NRXN3: variants seen among roughly 807,000 people sequenced by gnomAD.
NRXN3 encodes neurexin III.
Under a neutral mutation model 137.6 loss-of-function variants are expected in NRXN3, and 32 were observed. That is an observed-to-expected ratio of 0.23 (90% CI 0.18 to 0.31). The LOEUF (loss-of-function observed/expected upper bound fraction) is 0.31, where lower values mean the gene tolerates loss of function less well. NRXN3 is among the 10% of genes least tolerant of loss of function. The pLI, the probability that NRXN3 is intolerant of heterozygous loss-of-function variation, is 1.00. For synonymous variants in NRXN3, 798 were observed against 784.5 expected (o/e 1.02, Z -0.29); for missense variants, 1,574 against 2,062.5 (o/e 0.76, Z 4.59).
chr14:78,438,641 G>C (rs949139973), intron 4 of NRXN3, among the ~76,000 whole-genome samples: 1 of 152,156 alleles, frequency 6.6e-6, no homozygotes, highest in Non-Finnish European at 1.5e-5. Flanking sequence ...TAAGCCTACT[G>C]GGTCTGACCC....
intron 15 of NRXN3, among the ~76,000 whole-genome samples, chr14:79,082,558 G>A (rs931252242): frequency 3.3e-5 from 5 of 152,122 alleles, no homozygotes; most frequent in Admixed American, 6.6e-5. Flanking sequence ...AACTAAAAGA[G>A]ATGTTACAGA....
intron 15 of NRXN3, among the ~76,000 whole-genome samples, chr14:79,057,895 T>G (rs1172549719): frequency 6.6e-6 from 1 of 152,204 alleles, no homozygotes; most frequent in African/African-American, 2.4e-5. Context: ...ACTCATTTTT[T>G]TTCTAGTGGA....
intron 4 of NRXN3, among the ~76,000 whole-genome samples, chr14:78,640,391 G>T (rs907034128): frequency 1.3e-5 from 2 of 152,008 alleles, no homozygotes; most frequent in Non-Finnish European, 2.9e-5. Flanking sequence ...CAAATTTTTT[G>T]CCCTTAAAGC....
At chr14:78,281,269 G>T (rs936829115) in intron 3 of NRXN3, among the ~76,000 whole-genome samples, 1 of 152,208 alleles carries the variant, frequency 6.6e-6, no homozygotes, top group African/African-American at 2.4e-5. Context: ...CAGCGCTGTG[G>T]TTCTGAAACA....
At chr14:79,035,945 A>G (rs1028742553) in intron 15 of NRXN3, among the ~76,000 whole-genome samples, 16 of 152,098 alleles carry the variant, frequency 1.1e-4, no homozygotes, top group African/African-American at 3.6e-4. Flanking sequence ...GAATTTTAGT[A>G]TCTAGTTAAT....
intron 4 of NRXN3, among the ~76,000 whole-genome samples, chr14:78,438,651 C>T (rs1045651245): frequency 1.5e-4 from 23 of 152,150 alleles, no homozygotes; most frequent in African/African-American, 5.3e-4. Flanking sequence ...GGGTCTGACC[C>T]TATTGAGAGC....
At chr14:79,774,974 A>G (rs545333297) in intron 19 of NRXN3, among the ~76,000 whole-genome samples, 2 of 152,026 alleles carry the variant, frequency 1.3e-5, no homozygotes, top group African/African-American at 2.4e-5. Flanking sequence ...GTGTGTACGT[A>G]TAACAAGTTA....
At chr14:78,622,621 A>C (rs1037849550) in intron 4 of NRXN3, among the ~76,000 whole-genome samples, 1 of 151,878 alleles carries the variant, frequency 6.6e-6, no homozygotes, top group Middle Eastern at 3.2e-3. Context: ...TACAATGAAT[A>C]CTGCCTCTTA....
intron 4 of NRXN3, among the ~76,000 whole-genome samples, chr14:78,499,414 G>A (rs188437000): frequency 1.3e-5 from 2 of 152,226 alleles, no homozygotes; most frequent in African/African-American, 4.8e-5. Context: ...GATAATCGGG[G>A]CCTCCCTTAC....
At chr14:79,253,382 G>A (rs1422632733) in intron 15 of NRXN3, among the ~76,000 whole-genome samples, 2 of 152,112 alleles carry the variant, frequency 1.3e-5, no homozygotes, top group African/African-American at 4.8e-5. Context: ...GACATACGTG[G>A]CCTCCAGAGC....
At chr14:78,273,870 C>T (rs557534907) in intron 2 of NRXN3, among the ~76,000 whole-genome samples, 39 of 152,300 alleles carry the variant, frequency 2.6e-4, no homozygotes, top group South Asian at 8.3e-4. Flanking sequence ...CAGAGCGCCA[C>T]TGCATTTAAA....
intron 8 of NRXN3, among the ~76,000 whole-genome samples, chr14:78,790,421 A>T (rs2098801791): frequency 1.3e-5 from 2 of 152,182 alleles, no homozygotes; most frequent in Non-Finnish European, 2.9e-5. Context: ...CTTGTCCACA[A>T]GAGGGAGGAC....
chr14:78,399,691 A>T (rs2091867262), intron 4 of NRXN3, among the ~76,000 whole-genome samples: 1 of 152,224 alleles, frequency 6.6e-6, no homozygotes, highest in South Asian at 2.1e-4. Context: ...ATAACTAGTG[A>T]TGCATTGGCT....
At chr14:78,322,174 C>A (rs116048499) in intron 4 of NRXN3, among the ~76,000 whole-genome samples, 3,581 of 151,940 alleles carry the variant, frequency 0.024, 197 homozygotes, top group African/African-American at 0.082. Context: ...AGGGGGATTG[C>A]ATAAATGAAA....
At chr14:79,154,302 A>G (rs985951877) in intron 15 of NRXN3, among the ~76,000 whole-genome samples, 1 of 151,940 alleles carries the variant, frequency 6.6e-6, no homozygotes, top group Non-Finnish European at 1.5e-5. Context: ...GGCAGAGACT[A>G]TGACATAGAG....
intron 10 of NRXN3, among the ~76,000 whole-genome samples, chr14:78,895,671 CA>C (rs1181993507): frequency 1.3e-5 from 2 of 151,892 alleles, no homozygotes; most frequent in Non-Finnish European, 2.9e-5. Context: ...TCTCAGTTTT[CA>C]ACATGCCTCA....
intron 10 of NRXN3, among the ~76,000 whole-genome samples, chr14:78,813,999 C>T (rs1007574858): frequency 4.5e-4 from 68 of 152,192 alleles, no homozygotes; most frequent in African/African-American, 1.6e-3. Flanking sequence ...AATACTTTGT[C>T]TTTCCTCATG....
intron 15 of NRXN3, among the ~76,000 whole-genome samples, chr14:79,037,318 A>C (rs889950699): frequency 1.3e-5 from 2 of 152,088 alleles, no homozygotes; most frequent in African/African-American, 4.8e-5. Flanking sequence ...TCTCAGCTAC[A>C]AGACCTGCTT....
In NRXN3 at chr14:79,378,490, A is replaced by G. The variant is rs78504593; in HGVS notation, c.3263-88731A>G. On this transcript the variant is annotated intron_variant, in intron 15 of 20. Transcript: ENST00000335750. ...GATGTAAGAGCATCATCACTGGGAG[A>G]AGGAAATGTGAATTGTGAAAATAAA... Among the ~76,000 whole-genome samples the G allele has an allele frequency of 2.9e-3, 443 of 152,282 alleles. 7 individuals are homozygous for G. The South Asian group carries it at 0.042, about 14-fold the overall frequency.
Sources: gnomAD v4.1 joint callset for allele counts (sites outside exome capture counted in the v4.1 genomes callset) on GRCh38, gnomAD v4.1.1 for gene constraint, MANE v1.5 for transcripts, NCBI Gene and HGNC (gene_info 2026-07-23, HGNC 2026-07-21) for gene names.